LNX2: variants seen among roughly 807,000 people sequenced by gnomAD.
LNX2 encodes the protein ligand of Numb protein X 2.
LNX2 carries 35 observed loss-of-function variants against 66.2 expected under a neutral mutation model. The ratio of observed to expected loss-of-function variants is 0.53; its 90% CI spans 0.40 to 0.70. The LOEUF is 0.70. LNX2 is among the 30% of genes least tolerant of loss of function. LNX2 has a pLI of 0.00. For synonymous variants in LNX2, 337 were observed against 315.6 expected (o/e 1.07, Z -0.72); for missense variants, 791 against 850.8 (o/e 0.93, Z 0.87).
Position 27,546,150 on chromosome 13 carries a change from T to C in LNX2, c.*2185A>G, listed in dbSNP as rs1385515309. 6.6e-6 allele frequency: 1 copy of C among 152,214 alleles called. No individual in the cohort carries two copies. The highest frequency in any genetic ancestry group is 1.5e-5 in the Non-Finnish European group (1 of 68,034). The allele number at this position is 152,214 out of a possible 1,614,324, so 9.4% of individuals were successfully genotyped here. ...TGTCTTTTGTCATAAAAGCTACAGC[T>C]TAAGCTGATTCCAAGATTTCTATAA... On this transcript the variant is annotated 3_prime_UTR_variant, in exon 10 of 10. Coordinates refer to ENST00000316334, the MANE Select transcript of LNX2 (RefSeq NM_153371.4).
At position 27,582,447 on chromosome 13, in the gene LNX2, C is replaced by T. The variant is rs12429212; in HGVS notation, c.-100-644G>A. 6.3e-3 allele frequency among the ~76,000 whole-genome samples: 956 copies of T among 152,268 alleles called. 20 individuals are homozygous for T. The highest frequency in any genetic ancestry group is 0.047 in the Admixed American group (718 of 15,300). On this transcript the variant is annotated intron_variant, in intron 1 of 9. Coordinates refer to ENST00000316334, the MANE Select transcript of LNX2 (RefSeq NM_153371.4). ...TACTGACTGAAATCCCCAAATATGT[C>T]ACTGTTCAATGGTAGTTTTAAAGCC...
intron 1 of LNX2, among the ~76,000 whole-genome samples, chr13:27,600,464 A>G (rs1372293435): frequency 6.6e-6 from 1 of 152,202 alleles, no homozygotes. Flanking sequence ...CATGCAAAAT[A>G]TATATGGTAC....
intron 4 of LNX2, among the ~76,000 whole-genome samples, chr13:27,563,913 T>C (rs1955172537): frequency 6.6e-6 from 1 of 152,180 alleles, no homozygotes; most frequent in Admixed American, 6.5e-5. Flanking sequence ...GCAACATCTA[T>C]TAATTTGGTA....
intron 1 of LNX2, among the ~76,000 whole-genome samples, chr13:27,613,831 T>TA (rs1313400660): frequency 1.3e-5 from 2 of 152,184 alleles, no homozygotes; most frequent in Non-Finnish European, 2.9e-5. Flanking sequence ...TGCAAATGAT[T>TA]AACTACTCGA....
chr13:27,570,299 T>A (rs568960144), intron 2 of LNX2, among the ~76,000 whole-genome samples: 1 of 152,308 alleles, frequency 6.6e-6, no homozygotes, highest in African/African-American at 2.4e-5. Flanking sequence ...ATGCCTAGGG[T>A]TGCAGACCTT....
chr13:27,614,225 G>A (rs982218888), intron 1 of LNX2, among the ~76,000 whole-genome samples: 1 of 152,208 alleles, frequency 6.6e-6, no homozygotes, highest in Non-Finnish European at 1.5e-5. Flanking sequence ...ATTCAGCTAA[G>A]GTATAGACAT....
chr13:27,547,392 GATA>G lies in LNX2; in HGVS notation c.*940_*942del, dbSNP rs1219714271. ...TATCATCCAAATTCCTTTGTAACTG[GATA>G]ACATTATCTTTTATCCTCTACTATT... On this transcript the variant is annotated 3_prime_UTR_variant, in exon 10 of 10. Transcript: ENST00000316334. 3.3e-5 allele frequency: 5 copies of G among 152,164 alleles called. No individual in the cohort carries two copies. Among genetic ancestry groups the G allele is most frequent in the Middle Eastern group, 3.4e-3 (1 of 294 alleles). 9.4% of individuals were successfully genotyped at this position (152,164 alleles called of 1,614,324 possible). A position where few individuals can be genotyped will look rare whatever the true frequency, so the allele number is the denominator to read the frequency against.
rs1354050484 is a variant in LNX2, at chr13:27,547,317, G to T, written c.*1018C>A. ...CTGGAAATAGATTTTTAATGCTTTTGGGCTGTTCAAGTAAGTGCAGCTTTA... is the reference window on the plus strand; with the variant it reads ...CTGGAAATAGATTTTTAATGCTTTTTGGCTGTTCAAGTAAGTGCAGCTTTA... On this transcript the variant is annotated 3_prime_UTR_variant, in exon 10 of 10. Transcript: ENST00000316334. 3 of 152,056 alleles carry T rather than the reference G, an allele frequency of 2.0e-5. No homozygotes were observed. The highest frequency in any genetic ancestry group is 4.4e-5 in the Non-Finnish European group (3 of 68,008). 9.4% of individuals were successfully genotyped at this position (152,056 alleles called of 1,614,324 possible).
chr13:27,594,878 C>A (rs888239026), intron 1 of LNX2, among the ~76,000 whole-genome samples: 12 of 152,142 alleles, frequency 7.9e-5, no homozygotes, highest in Admixed American at 4.6e-4. Flanking sequence ...ATTTGTTGCA[C>A]CTACTCTTTT....
At chr13:27,611,607 A>G (rs774031200) in intron 1 of LNX2, among the ~76,000 whole-genome samples, 2 of 152,250 alleles carry the variant, frequency 1.3e-5, no homozygotes, top group African/African-American at 2.4e-5. Context: ...AAAAAGCTGA[A>G]GCAATGTAAA....
At chr13:27,587,140 A>G (rs1158584523) in intron 1 of LNX2, among the ~76,000 whole-genome samples, 2 of 152,206 alleles carry the variant, frequency 1.3e-5, no homozygotes, top group African/African-American at 4.8e-5. Flanking sequence ...AAGAGTTACC[A>G]CTGAAGGTTA....
intron 1 of LNX2, among the ~76,000 whole-genome samples, chr13:27,599,346 C>T (rs1955630808): frequency 6.6e-6 from 1 of 152,172 alleles, no homozygotes; most frequent in Non-Finnish European, 1.5e-5. Flanking sequence ...TTTGTTTACT[C>T]ATTGGAACAA....
chr13:27,599,672 T>A (rs1319656967), intron 1 of LNX2, among the ~76,000 whole-genome samples: 3 of 152,196 alleles, frequency 2.0e-5, no homozygotes, highest in African/African-American at 7.2e-5. Context: ...AGGTATCTTG[T>A]AGGAATAGAA....
In LNX2 at chr13:27,581,805, T is replaced by C. The variant is rs1264576770; in HGVS notation, c.-100-2A>G. ...TGACTAAAGTCAAGGTGTGTTTTTC[T>C]AGATAAGCAAAACAAACACATTAAA... On this transcript the variant is annotated splice_acceptor_variant, in intron 1 of 9. Transcript: ENST00000316334. LOFTEE classifies it low-confidence loss of function (5UTR_SPLICE). 1.1e-6 allele frequency: 1 copy of C among 922,790 alleles called. No individual in the cohort carries two copies. Among genetic ancestry groups the C allele is most frequent in the Non-Finnish European group, 1.6e-6 (1 of 622,930 alleles). 57.2% of individuals were successfully genotyped at this position (922,790 alleles called of 1,614,324 possible).
intron 7 of LNX2, among the ~76,000 whole-genome samples, chr13:27,555,603 T>G (rs1593238737): frequency 1.3e-5 from 2 of 152,236 alleles, no homozygotes; most frequent in East Asian, 3.8e-4. Context: ...TTCTAAGAAT[T>G]TCAGCTCTTA....
At chr13:27,595,686 C>T (rs750296795) in intron 1 of LNX2, among the ~76,000 whole-genome samples, 1 of 152,154 alleles carries the variant, frequency 6.6e-6, no homozygotes, top group East Asian at 1.9e-4. Flanking sequence ...CCTGTAAACC[C>T]GAAAACCCTG....
chr13:27,603,120 A>T (rs1955676603), intron 1 of LNX2, among the ~76,000 whole-genome samples: 1 of 152,190 alleles, frequency 6.6e-6, no homozygotes, highest in Non-Finnish European at 1.5e-5. Context: ...TGGTATCAAA[A>T]TACTAACTTT....
intron 4 of LNX2, among the ~76,000 whole-genome samples, chr13:27,564,232 GA>G (rs1955176446): frequency 6.6e-6 from 1 of 152,128 alleles, no homozygotes; most frequent in Non-Finnish European, 1.5e-5. Flanking sequence ...TCTACAACTG[GA>G]AAAAGATTTT....
chr13:27,574,525 G>C (rs954045312), intron 2 of LNX2, among the ~76,000 whole-genome samples: 2 of 150,048 alleles, frequency 1.3e-5, no homozygotes, highest in Admixed American at 1.3e-4. Context: ...CTGAGGAACA[G>C]GGAAGAAAAA....
Sources: allele counts gnomAD v4.1 joint callset (sites outside exome capture counted in the v4.1 genomes callset), GRCh38; gene constraint gnomAD v4.1.1; transcripts MANE v1.5; gene names NCBI Gene and HGNC (gene_info 2026-07-23, HGNC 2026-07-21).